DAAM2: variants seen among roughly 807,000 people sequenced by gnomAD.
DAAM2 encodes the protein dishevelled associated activator of morphogenesis 2, also known as disheveled-associated activator of morphogenesis 2.
DAAM2 carries 39 observed loss-of-function variants against 120.7 expected under a neutral mutation model. The ratio of observed to expected loss-of-function variants is 0.32; its 90% CI spans 0.25 to 0.42. The LOEUF (loss-of-function observed/expected upper bound fraction) is 0.42, where lower values mean the gene tolerates loss of function less well. Ranked by LOEUF, DAAM2 falls within the 10% of genes least tolerant of loss-of-function variation. DAAM2 has a pLI of 1.00. For missense variants in DAAM2, 1,283 were observed against 1,401.7 expected, an observed-to-expected ratio of 0.92 and a Z score of 1.35; for synonymous variants, 488 against 524.9, an observed-to-expected ratio of 0.93 and a Z score of 0.96.
chr6:39,822,576 C>G (rs1762526486), intron 1 of DAAM2: 1 of 152,218 alleles, frequency 6.6e-6, no homozygotes, highest in East Asian at 1.9e-4. Flanking sequence ...GCACCAATCA[C>G]TCTGCTAAAG....
At chr6:39,800,357 C>G (rs943140693) in intron 1 of DAAM2, among the ~76,000 whole-genome samples, 8 of 152,164 alleles carry the variant, frequency 5.3e-5, no homozygotes, top group Admixed American at 6.5e-5. Flanking sequence ...CTATGACTGC[C>G]CTTCCTGCTC....
chr6:39,852,112 A>C (rs959515705), intron 1 of DAAM2, among the ~76,000 whole-genome samples: 4 of 152,194 alleles, frequency 2.6e-5, no homozygotes, highest in African/African-American at 9.6e-5. Flanking sequence ...TGTGGAGGGC[A>C]GGGAGCTGCT....
intron 3 of DAAM2, chr6:39,861,291 A>G: frequency 4.1e-6 from 2 of 486,232 alleles, no homozygotes; most frequent in South Asian, 1.9e-5. Flanking sequence ...AAAGAAGCAG[A>G]GTCTGGACTC....
chr6:39,875,749 A>T (rs1444968752), intron 11 of DAAM2, among the ~76,000 whole-genome samples: 1 of 152,204 alleles, frequency 6.6e-6, no homozygotes, highest in Non-Finnish European at 1.5e-5. Context: ...CAATAGCCAC[A>T]TGACACGTGG....
At chr6:39,887,732 A>G (rs540076640) in intron 16 of DAAM2, 140 bp downstream of exon 16, 5 of 620,566 alleles carry the variant, frequency 8.1e-6, no homozygotes, top group Admixed American at 2.5e-5. Flanking sequence ...GTCTCTCGGG[A>G]ACCTGCCTTG....
chr6:39,891,787 A>G (rs972806492), intron 19 of DAAM2, 65 bp downstream of exon 19: 25 of 1,355,810 alleles, frequency 1.8e-5, no homozygotes, highest in Non-Finnish European at 2.5e-5. Context: ...GGTGGGTGGG[A>G]GCCAGTGAAT....
intron 1 of DAAM2, among the ~76,000 whole-genome samples, chr6:39,813,537 C>A (rs2987593): frequency 0.29 from 44,169 of 152,006 alleles, 7,274 homozygotes; most frequent in South Asian, 0.38. Context: ...TCAAGAAAAG[C>A]TTTAGGAGGA....
At position 39,878,877 on chromosome 6, in the gene DAAM2, G is replaced by A. The variant is rs1269434796; in HGVS notation, c.1545+289G>A. 6.6e-6 allele frequency among the ~76,000 whole-genome samples: 1 copy of A among 152,190 alleles called. No individual in the cohort carries two copies. The highest frequency in any genetic ancestry group is 6.5e-5 in the Admixed American group (1 of 15,280). The stretch of plus-strand genomic sequence containing the variant: ...CTCTCTCAGCTGGAGATCTTGTGCA[G>A]TCAGTAACCTACACAACTGCATAGA... On this transcript the variant is annotated intron_variant, in intron 13 of 24. Coordinates refer to ENST00000274867, the MANE Select transcript of DAAM2 (RefSeq NM_001201427.2). The surrounding 1 kb of genome is among the most constrained non-coding windows in gnomAD (Gnocchi z 5.0).
Position 39,867,705 on chromosome 6 carries a change from A to G in DAAM2, c.624A>G (p.Leu208=). ...PEAISTIAQS[L]RTENSKTKVA... ...CCATTAGTACCATAGCCCAGAGCCT[A>G]CGCACAGAGAACAGCAAGACCAAGG... is the stretch of plus-strand genomic sequence containing the variant. The change falls in exon 6 of 25, where the codon CTA becomes CTG. Residue 208 remains leucine, a synonymous_variant. Coordinates refer to ENST00000274867, the MANE Select transcript of DAAM2 (RefSeq NM_001201427.2). 6.2e-7 allele frequency: 1 copy of G among 1,614,072 alleles called. No individual in the cohort carries two copies. Among genetic ancestry groups the G allele is most frequent in the Non-Finnish European group, 8.5e-7 (1 of 1,179,902 alleles).
chr6:39,814,447 G>T (rs1458570588), intron 1 of DAAM2, among the ~76,000 whole-genome samples: 1 of 152,174 alleles, frequency 6.6e-6, no homozygotes, highest in Non-Finnish European at 1.5e-5. Flanking sequence ...GCCTTTGTTG[G>T]GGTTGGCGTT....
intron 17 of DAAM2, 81 bp downstream of exon 17, chr6:39,888,844 G>A (rs928289990): frequency 3.9e-6 from 4 of 1,026,022 alleles, no homozygotes; most frequent in African/African-American, 3.2e-5. Flanking sequence ...AGGAGGCTGC[G>A]ATTCTTGGGT....
chr6:39,794,802 C>CT (rs2113975213), intron 1 of DAAM2, among the ~76,000 whole-genome samples: 1 of 152,268 alleles, frequency 6.6e-6, no homozygotes, highest in Non-Finnish European at 1.5e-5. Flanking sequence ...ATGAGGCTTT[C>CT]TTATTTGATT....
chr6:39,817,245 T>C (rs1218199749), intron 1 of DAAM2, among the ~76,000 whole-genome samples: 2 of 152,242 alleles, frequency 1.3e-5, no homozygotes, highest in Non-Finnish European at 2.9e-5. Flanking sequence ...TATGATTCTA[T>C]TACTTTTCTG....
At chr6:39,863,258 A>G (rs912793623) in intron 3 of DAAM2, among the ~76,000 whole-genome samples, 2 of 152,070 alleles carry the variant, frequency 1.3e-5, no homozygotes, top group African/African-American at 4.8e-5. Flanking sequence ...GTGTTTGCCG[A>G]CACAATTGTT....
intron 1 of DAAM2, among the ~76,000 whole-genome samples, chr6:39,804,180 C>T (rs553221078): frequency 2.4e-4 from 37 of 152,322 alleles, no homozygotes; most frequent in African/African-American, 7.5e-4. Flanking sequence ...TTTTCTTCCC[C>T]TTTCCACACC....
At chr6:39,872,076 T>C (rs1177877766) in intron 9 of DAAM2, among the ~76,000 whole-genome samples, 1 of 152,048 alleles carries the variant, frequency 6.6e-6, no homozygotes, top group African/African-American at 2.4e-5. Context: ...GATTGGATGG[T>C]GAGGAGCCCA....
chr6:39,868,623 C>A, intron 6 of DAAM2, 200 bp from the exon 7 acceptor site: 1 of 575,168 alleles, frequency 1.7e-6, no homozygotes, highest in South Asian at 2.2e-5. Context: ...GGCAGCACTG[C>A]CACTGAGGTG....
Position 39,883,990 on chromosome 6 carries a change from A to G in DAAM2, c.1874A>G (p.Glu625Gly). Residue 625 changes from glutamate to glycine, a missense_variant, in exon 15 of 25, where the codon GAG becomes GGG. This residue lies in a region of DAAM2 where 748 missense variants were observed against 768.6 expected (regional missense o/e 0.97). Transcript: ENST00000274867. Reference protein sequence around the residue: ...EERVPGTVWNEIDDMQVFRIL... With the variant: ...EERVPGTVWNGIDDMQVFRIL... ...CGTGTCCCTGGCACCGTATGGAATG[A>G]GATTGATGACATGCAGGTATTTCGG... The G allele has an allele frequency of 1.2e-6, 2 of 1,613,416 alleles. No homozygotes were observed. Among genetic ancestry groups the G allele is most frequent in the Non-Finnish European group, 1.7e-6 (2 of 1,179,448 alleles).
chr6:39,802,009 G>A (rs1291886040), intron 1 of DAAM2, among the ~76,000 whole-genome samples: 1 of 152,220 alleles, frequency 6.6e-6, no homozygotes, highest in Non-Finnish European at 1.5e-5. Flanking sequence ...GGCTGCAGAA[G>A]GATCAAGCTA....
Sources: allele counts gnomAD v4.1 joint callset (sites outside exome capture counted in the v4.1 genomes callset), GRCh38; gene constraint gnomAD v4.1.1; regional missense constraint gnomAD v4.1.1; non-coding constraint Gnocchi (gnomAD v3.1); transcripts MANE v1.5; gene names NCBI Gene and HGNC (gene_info 2026-07-23, HGNC 2026-07-21).